The following TNRC6A variants were observed in gnomAD, a reference collection of about 807,000 sequenced individuals.
TNRC6A encodes the protein trinucleotide repeat-containing gene 6A protein.
In TNRC6A, 44 loss-of-function variants were observed where a neutral mutation model predicts 221.2. The ratio of observed to expected loss-of-function variants is 0.20; its 90% confidence interval spans 0.16 to 0.26. TNRC6A has a LOEUF of 0.26. Ranked by LOEUF, TNRC6A falls within the 10% of genes least tolerant of loss-of-function variation. The pLI is 1.00. For missense variants in TNRC6A, 2,199 were observed against 2,404.4 expected, an observed-to-expected ratio of 0.91 and a Z score of 1.79; for synonymous variants, 847 against 838.5, an observed-to-expected ratio of 1.01 and a Z score of -0.18.
intron 2 of TNRC6A, among the ~76,000 whole-genome samples, chr16:24,715,937 T>C (rs1464716908): frequency 2.6e-5 from 4 of 152,102 alleles, no homozygotes; most frequent in African/African-American, 9.7e-5. Flanking sequence ...TGAGTAGTTT[T>C]ATGGCATGCA....
At chr16:24,743,989 C>T (rs1321492779) in intron 2 of TNRC6A, among the ~76,000 whole-genome samples, 2 of 152,184 alleles carry the variant, frequency 1.3e-5, no homozygotes, top group African/African-American at 4.8e-5. Flanking sequence ...TCGAAGATCA[C>T]AAGTAGCATT....
Position 24,791,369 on chromosome 16 carries a change from A to G in TNRC6A, c.2727A>G (p.Gly909=), listed in dbSNP as rs757063783. The G allele has an allele frequency of 6.3e-7, 1 of 1,590,872 alleles. No individual in the cohort carries two copies. The highest frequency in any genetic ancestry group is 1.3e-5 in the African/African-American group (1 of 74,454). ...ACATAAATCCAAATAATTCATCAGG[A>G]TGGGATGAATCTTCTAAACCTACTC... ...GNNINPNNSS[G]WDESSKPTPS... The change falls in exon 6 of 25, where the codon GGA becomes GGG. Residue 909 remains glycine (G), a synonymous_variant. Transcript: ENST00000395799.
At chr16:24,776,305 T>C in intron 4 of TNRC6A, 1 of 984,986 alleles carries the variant, frequency 1.0e-6, no homozygotes, top group South Asian at 4.7e-5. Flanking sequence ...AGATTATTTA[T>C]CTCATTTTGA....
chr16:24,713,935 C>A (rs761068182), intron 2 of TNRC6A, among the ~76,000 whole-genome samples: 1 of 152,082 alleles, frequency 6.6e-6, no homozygotes, highest in African/African-American at 2.4e-5. Context: ...CGTGAGGCAG[C>A]GCACTTGGCC....
At chr16:24,806,840 C>G in intron 17 of TNRC6A, 56 bp downstream of exon 17, 1 of 1,494,088 alleles carries the variant, frequency 6.7e-7, no homozygotes. Flanking sequence ...ACAGGCGTGC[C>G]TCCTTCACAC....
At chr16:24,736,563 G>C (rs918699263) in intron 2 of TNRC6A, among the ~76,000 whole-genome samples, 1 of 152,098 alleles carries the variant, frequency 6.6e-6, no homozygotes, top group Non-Finnish European at 1.5e-5. Flanking sequence ...ATGACATTTT[G>C]AAATAGTCCA....
intron 4 of TNRC6A, among the ~76,000 whole-genome samples, chr16:24,761,334 A>G (rs147880601): frequency 1.1e-3 from 164 of 152,352 alleles, no homozygotes; most frequent in African/African-American, 3.8e-3. Context: ...ATCTTTTAAA[A>G]TATGTCTCTT....
intron 17 of TNRC6A, among the ~76,000 whole-genome samples, chr16:24,807,713 T>A (rs1336252216): frequency 6.6e-6 from 1 of 151,590 alleles, no homozygotes; most frequent in East Asian, 1.9e-4. Context: ...TATATGTTGT[T>A]TCTTTCCTAG....
chr16:24,687,943 TCTTTTC>T lies in TNRC6A; in HGVS notation n.402+46935_402+46940del, dbSNP rs1567357357. Among the ~76,000 whole-genome samples, 2 of 126,098 alleles carry T rather than the reference TCTTTTC, an allele frequency of 1.6e-5. 1 individual carries two copies. The highest frequency in any genetic ancestry group is 6.1e-5 in the African/African-American group (2 of 32,888). The allele number at this position is 126,098 out of a possible 152,430, so 82.7% of individuals were successfully genotyped here. On this transcript the variant is annotated intron_variant and non_coding_transcript_variant, in intron 2 of 2. Coordinates refer to the TNRC6A transcript ENST00000566108. Reference sequence around the variant, plus strand: ...TCTTTTCTTTTCTTTTCTTTTCTTTTCTTTTCTTTTCTTTTTTTTTTTTTTGTCGCC... The same window carrying T: ...TCTTTTCTTTTCTTTTCTTTTCTTTTTTTTCTTTTTTTTTTTTTTGTCGCC...
chr16:24,641,035 T>G (rs1448791522), intron 2 of TNRC6A: 1 of 152,178 alleles, frequency 6.6e-6, no homozygotes, highest in East Asian at 1.9e-4. Context: ...CTGGGGGCCA[T>G]GGGTCAGTCC....
intron 2 of TNRC6A, among the ~76,000 whole-genome samples, chr16:24,698,653 G>A (rs55872500): frequency 1.3e-5 from 2 of 152,164 alleles, no homozygotes; most frequent in African/African-American, 4.8e-5. Flanking sequence ...AAACCCACTC[G>A]ATTTATTTCC....
chr16:24,750,894 A>G (rs2057122634), intron 3 of TNRC6A, 81 bp downstream of exon 3: 1 of 1,215,538 alleles, frequency 8.2e-7, no homozygotes, highest in Non-Finnish European at 1.1e-6. Context: ...TTTTGAAGGC[A>G]TTTATTTGAT....
rs868427747 is a variant in TNRC6A, at chr16:24,729,688, C to A, written c.-154C>A. The A allele has an allele frequency of 6.3e-6, 3 of 478,768 alleles. No homozygotes were observed. The highest frequency in any genetic ancestry group is 7.9e-6 in the Non-Finnish European group (3 of 378,970). The allele number at this position is 478,768 out of a possible 1,614,324, so 29.7% of individuals were successfully genotyped here. On this transcript the variant is annotated 5_prime_UTR_variant, in exon 1 of 25. Coordinates refer to ENST00000395799, the MANE Select transcript of TNRC6A (RefSeq NM_014494.4). The stretch of plus-strand genomic sequence containing the variant: ...GGGCCTGCGGCGGCGGCGGTGTCGG[C>A]GGCGGCGGCGGCGGCGGCGGCGGCG...
In TNRC6A at chr16:24,822,916, C is replaced by T. The variant is rs1419354495; in HGVS notation, c.5416C>T (p.Pro1806Ser). 6.2e-7 allele frequency: 1 copy of T among 1,614,188 alleles called. No individual in the cohort carries two copies. Among genetic ancestry groups the T allele is most frequent in the Non-Finnish European group, 8.5e-7 (1 of 1,180,048 alleles). ...GCGCACTCTGTGCATGCAGCACGGC[C>T]CGCTGATCACATTCCACCTGAACCT... is the stretch of plus-strand genomic sequence containing the variant. ...TLRTLCMQHG[P>S]LITFHLNLPH... is the part of the protein sequence containing the mutation. Residue 1806 changes from proline (P) to serine (S), a missense_variant, in exon 24 of 25, where the codon CCG becomes TCG. Coordinates refer to ENST00000395799, the MANE Select transcript of TNRC6A (RefSeq NM_014494.4).
At chr16:24,796,801 A>G (rs1489148431) in intron 9 of TNRC6A, among the ~76,000 whole-genome samples, 1 of 152,174 alleles carries the variant, frequency 6.6e-6, no homozygotes, top group Non-Finnish European at 1.5e-5. Context: ...AATGAGAGAC[A>G]TAGATCTCTA....
intron 2 of TNRC6A, among the ~76,000 whole-genome samples, chr16:24,652,945 G>C (rs1902754206): frequency 1.3e-5 from 2 of 152,192 alleles, no homozygotes; most frequent in Admixed American, 1.3e-4. Context: ...TCAATCAGCA[G>C]AGAGGCCTGA....
At chr16:24,777,442 A>T in intron 5 of TNRC6A, 84 bp downstream of exon 5, 1 of 1,354,100 alleles carries the variant, frequency 7.4e-7, no homozygotes, top group Non-Finnish European at 1.0e-6. Flanking sequence ...CTTTTTGGTG[A>T]TGTATTTGTA....
intron 2 of TNRC6A, among the ~76,000 whole-genome samples, chr16:24,673,959 G>A (rs974195140): frequency 1.3e-5 from 2 of 152,214 alleles, no homozygotes; most frequent in Non-Finnish European, 2.9e-5. Context: ...GTGCATCCAC[G>A]TCAGGTAACA....
chr16:24,753,611 A>G (rs1233284628), intron 3 of TNRC6A, among the ~76,000 whole-genome samples: 5 of 152,178 alleles, frequency 3.3e-5, no homozygotes, highest in African/African-American at 9.7e-5. Flanking sequence ...TATAGCCCAT[A>G]TGAGGAATTG....
Sources: allele counts gnomAD v4.1 joint callset (sites outside exome capture counted in the v4.1 genomes callset), GRCh38; gene constraint gnomAD v4.1.1; transcripts MANE v1.5; gene names NCBI Gene and HGNC (gene_info 2026-07-23, HGNC 2026-07-21).